The following XKR9 variants were observed in gnomAD, a reference collection of about 807,000 sequenced individuals.
XKR9 encodes XK-related protein 9.
XKR9 carries 32 observed loss-of-function variants against 32.0 expected under a neutral mutation model. The ratio of observed to expected loss-of-function variants is 1.00; its 90% CI spans 0.76 to 1.34. The LOEUF (loss-of-function observed/expected upper bound fraction) is 1.34, where lower values mean the gene tolerates loss of function less well. Among genes scored for constraint, XKR9 ranks in the 40% most tolerant of loss-of-function variants. XKR9 has a pLI of 0.00. For missense variants in XKR9, 546 were observed against 429.7 expected (o/e 1.27, Z -2.39); for synonymous variants, 168 against 143.4 (o/e 1.17, Z -1.22).
chr8:71,042,930 G>A, the XKR9 span, among the ~76,000 whole-genome samples: 2 of 152,112 alleles, frequency 1.3e-5, no homozygotes, highest in Non-Finnish European at 2.9e-5. Flanking sequence ...TAAGTAGTAG[G>A]CATTGAGAGT....
chr8:70,947,488 A>G, the XKR9 span, among the ~76,000 whole-genome samples: 2 of 152,248 alleles, frequency 1.3e-5, no homozygotes, highest in African/African-American at 4.8e-5. Context: ...AATGAAGAAA[A>G]GTACTCCTGA....
In XKR9 at chr8:70,733,864, A is replaced by G; in HGVS notation, c.562A>G (p.Lys188Glu). 1 of 1,609,254 alleles carries G rather than the reference A, an allele frequency of 6.2e-7. No individual in the cohort carries two copies. Among genetic ancestry groups the G allele is most frequent in the Non-Finnish European group, 8.5e-7 (1 of 1,178,788 alleles). Reference sequence around the variant, plus strand: ...TGTTGATTATCAAGTAGCTTTAAGAAAATCCTTGCCTGACAAAAAGCTTCT... The same window carrying G: ...TGTTGATTATCAAGTAGCTTTAAGAGAATCCTTGCCTGACAAAAAGCTTCT... The part of the protein sequence containing the change: ...STVDYQVALR[K>E]SLPDKKLLNG... Residue 188 changes from lysine to glutamate, a missense_variant, in exon 5 of 5, where the codon AAA becomes GAA. Physicochemically the swap from Lys to Glu is moderately conservative, Grantham distance 56. Coordinates refer to ENST00000408926, the MANE Select transcript of XKR9 (RefSeq NM_001011720.2).
chr8:70,720,648 C>T (rs555672287), intron 4 of XKR9, among the ~76,000 whole-genome samples: 2 of 152,228 alleles, frequency 1.3e-5, no homozygotes, highest in East Asian at 3.9e-4. Context: ...AGGGATGAAG[C>T]TGACTTGATC....
In XKR9 at chr8:70,755,321, C is replaced by G. The variant is rs908350693; in HGVS notation, n.353-34018C>G. On this transcript the variant is annotated intron_variant and non_coding_transcript_variant, in intron 2 of 3. Coordinates refer to the XKR9 transcript ENST00000520273. ...TTTACACTGTTGCTGGGACTGTAAA[C>G]TAGTTCAACCATTGTGGAAGTCAGT... Among the ~76,000 whole-genome samples the G allele has an allele frequency of 1.6e-3, 247 of 152,188 alleles. 8 individuals carry two copies. The highest frequency in any genetic ancestry group is 4.1e-4 in the Non-Finnish European group (28 of 68,038).
At chr8:70,931,635 C>T in the XKR9 span, among the ~76,000 whole-genome samples, 1 of 152,178 alleles carries the variant, frequency 6.6e-6, no homozygotes, top group Non-Finnish European at 1.5e-5. Context: ...GCTCACACTT[C>T]TGCAGGCTGT....
intron 2 of XKR9, among the ~76,000 whole-genome samples, chr8:70,764,596 T>C (rs956638644): frequency 6.6e-6 from 1 of 152,186 alleles, no homozygotes; most frequent in African/African-American, 2.4e-5. Flanking sequence ...TAGAATATTA[T>C]TTTGTTTTAT....
intron 3 of XKR9, among the ~76,000 whole-genome samples, chr8:70,699,123 C>G (rs1805409414): frequency 6.6e-6 from 1 of 152,150 alleles, no homozygotes. Flanking sequence ...ACTGATGGGT[C>G]TTGACTCTTT....
At chr8:70,690,514 T>A (rs1404642769) in intron 3 of XKR9, among the ~76,000 whole-genome samples, 1 of 151,540 alleles carries the variant, frequency 6.6e-6, no homozygotes, top group Middle Eastern at 3.2e-3. Flanking sequence ...TTTTTTTTTT[T>A]TGTATTTAGT....
chr8:70,671,241 A>G (rs1354606791), intron 1 of XKR9, among the ~76,000 whole-genome samples: 2 of 152,316 alleles, frequency 1.3e-5, no homozygotes, highest in African/African-American at 4.8e-5. Context: ...ATGAATGAGA[A>G]TATGTGATAT....
chr8:71,057,438 C>T, the XKR9 span, among the ~76,000 whole-genome samples: 1 of 152,316 alleles, frequency 6.6e-6, no homozygotes, highest in South Asian at 2.1e-4. Context: ...CAAATTCAAT[C>T]AAAGGCCCTG....
the XKR9 span, among the ~76,000 whole-genome samples, chr8:70,806,711 C>T: frequency 5.3e-5 from 8 of 150,776 alleles, no homozygotes; most frequent in Admixed American, 6.6e-5. Flanking sequence ...GCAGACAAGA[C>T]TAGAGAAAAA....
At position 70,707,098 on chromosome 8, in the gene XKR9, A is replaced by G. The variant is rs774318690; in HGVS notation, c.438A>G (p.Gln146=). Residue 146 remains glutamine, a synonymous_variant, in exon 4 of 5, where the codon CAA becomes CAG. Transcript: ENST00000408926. Reference sequence around the variant, plus strand: ...AGACCTACCTGGAAGGCTGCCCACAACTTATTCTTCAACTCTACATTCTTC... The same window carrying G: ...AGACCTACCTGGAAGGCTGCCCACAGCTTATTCTTCAACTCTACATTCTTC... ...LFETYLEGCP[Q]LILQLYILLE... 12 of 1,613,332 alleles carry G rather than the reference A, an allele frequency of 7.4e-6. No homozygotes were observed. Among genetic ancestry groups the G allele is most frequent in the Non-Finnish European group, 8.5e-6 (10 of 1,179,506 alleles).
chr8:70,853,816 T>G, the XKR9 span, among the ~76,000 whole-genome samples: 29 of 152,168 alleles, frequency 1.9e-4, no homozygotes, highest in Admixed American at 1.3e-4. Flanking sequence ...CTGAGAATGA[T>G]GGTTTCCAGC....
chr8:70,717,257 C>T (rs935580490), intron 4 of XKR9, among the ~76,000 whole-genome samples: 11 of 152,180 alleles, frequency 7.2e-5, no homozygotes, highest in African/African-American at 2.7e-4. Flanking sequence ...TCTCACAGCT[C>T]CACTAGGCAG....
At chr8:71,059,976 C>G in the XKR9 span, among the ~76,000 whole-genome samples, 3 of 152,066 alleles carry the variant, frequency 2.0e-5, no homozygotes, top group Non-Finnish European at 2.9e-5. Flanking sequence ...TGAGACAGTT[C>G]TTGCCTCCTC....
the XKR9 span, among the ~76,000 whole-genome samples, chr8:71,029,004 T>C: frequency 6.6e-6 from 1 of 152,164 alleles, no homozygotes; most frequent in Non-Finnish European, 1.5e-5. Context: ...ATGATTTCTC[T>C]GAGTCCATAT....
Position 70,684,255 on chromosome 8 carries a change from G to T in XKR9, c.272+2925G>T, listed in dbSNP as rs76025208. The stretch of plus-strand genomic sequence containing the variant: ...TTTAACATTTTCTTTACTATATTTA[G>T]TGTTTCTTTCCCTTCTGGGATGCCA... On this transcript the variant is annotated intron_variant, in intron 3 of 4. Transcript: ENST00000408926. 4.3e-3 allele frequency among the ~76,000 whole-genome samples: 651 copies of T among 152,038 alleles called. 35 individuals carry two copies. The East Asian group carries it at 0.1, about 24-fold the overall frequency.
rs1312852879 is a variant in XKR9 at position 70,733,834 on chromosome 8, T to G, written c.532T>G (p.Ser178Ala). Residue 178 changes from serine to alanine, a missense_variant, in exon 5 of 5, where the codon TCA becomes GCA. Transcript: ENST00000408926. ...GGTCTCTTGCTGTGCTATTTCTTGGTCAACTGTTGATTATCAAGTAGCTTT... is the reference window on the plus strand; with the variant it reads ...GGTCTCTTGCTGTGCTATTTCTTGGGCAACTGTTGATTATCAAGTAGCTTT... ...IMVSCCAISWSTVDYQVALRK... is the reference protein window; with the variant it reads ...IMVSCCAISWATVDYQVALRK... The G allele has an allele frequency of 1.9e-6, 3 of 1,595,298 alleles. No individual in the cohort carries two copies. Among genetic ancestry groups the G allele is most frequent in the Non-Finnish European group, 1.7e-6 (2 of 1,174,574 alleles).
At chr8:70,783,874 G>A (rs113405597) in intron 2 of XKR9, among the ~76,000 whole-genome samples, 36 of 152,180 alleles carry the variant, frequency 2.4e-4, no homozygotes, top group African/African-American at 8.4e-4. Flanking sequence ...ATTTTGAGTT[G>A]ATTTTTGTAT....
Sources: gnomAD v4.1 joint callset for allele counts (sites outside exome capture counted in the v4.1 genomes callset) on GRCh38, gnomAD v4.1.1 for gene constraint, MANE v1.5 for transcripts, NCBI Gene and HGNC (gene_info 2026-07-23, HGNC 2026-07-21) for gene names.